The following RBPJ variants were observed in gnomAD, a reference collection of about 807,000 sequenced individuals.
RBPJ encodes recombination signal binding protein for immunoglobulin kappa J region.
In RBPJ, 9 loss-of-function variants were observed where a neutral mutation model predicts 67.8. The ratio of observed to expected loss-of-function variants is 0.13; its 90% CI spans 0.08 to 0.23. The LOEUF (loss-of-function observed/expected upper bound fraction) is 0.23, where lower values mean the gene tolerates loss of function less well. Ranked by LOEUF, RBPJ falls within the 10% of genes least tolerant of loss-of-function variation. The pLI, the probability that RBPJ is intolerant of heterozygous loss-of-function variation, is 1.00. For synonymous variants in RBPJ, 198 were observed against 203.3 expected, an observed-to-expected ratio of 0.97 and a Z score of 0.22; for missense variants, 305 against 595.6, an observed-to-expected ratio of 0.51 and a Z score of 5.08.
Position 26,217,625 on chromosome 4 carries a change from A to C in RBPJ, c.-167+54011A>C, listed in dbSNP as rs1190424999. 3.3e-5 allele frequency among the ~76,000 whole-genome samples: 5 copies of C among 152,348 alleles called. No homozygotes were observed. The East Asian group carries it at 9.6e-4, about 29-fold the overall frequency. On this transcript the variant is annotated intron_variant, in intron 1 of 4. Transcript: ENST00000512351. ...TGAAGCGGCCTCCTGATTTGAAGGT[A>C]GAACATTGCCTCTTGGCAGCGCTGT...
At chr4:26,406,638 G>A (rs890338654) in intron 3 of RBPJ, among the ~76,000 whole-genome samples, 2 of 152,214 alleles carry the variant, frequency 1.3e-5, no homozygotes, top group Non-Finnish European at 2.9e-5. Flanking sequence ...GCTGTGTCCT[G>A]CATCCATTGG....
intron 2 of RBPJ, among the ~76,000 whole-genome samples, chr4:26,388,834 G>T (rs1731195239): frequency 6.6e-6 from 1 of 152,142 alleles, no homozygotes; most frequent in African/African-American, 2.4e-5. Context: ...TCATATATAT[G>T]TAGTTAGTCA....
chr4:26,296,176 T>A (rs1026133729), intron 1 of RBPJ, among the ~76,000 whole-genome samples: 8 of 152,358 alleles, frequency 5.3e-5, no homozygotes, highest in African/African-American at 1.9e-4. Flanking sequence ...AGCTTCCTGA[T>A]GTAATTTCTT....
intron 1 of RBPJ, among the ~76,000 whole-genome samples, chr4:26,173,907 G>A (rs1716700326): frequency 6.6e-6 from 1 of 152,192 alleles, no homozygotes; most frequent in Non-Finnish European, 1.5e-5. Flanking sequence ...AACGTGATAA[G>A]CGCAATAGGA....
intron 1 of RBPJ, among the ~76,000 whole-genome samples, chr4:26,358,790 A>G (rs1469564056): frequency 2.0e-5 from 3 of 151,950 alleles, no homozygotes; most frequent in Admixed American, 6.6e-5. Context: ...CTCTTAAAAA[A>G]AAAAAAAAGT....
chr4:26,355,449 A>G (rs1178767673), intron 1 of RBPJ, among the ~76,000 whole-genome samples: 1 of 150,724 alleles, frequency 6.6e-6, no homozygotes, highest in Non-Finnish European at 1.5e-5. Flanking sequence ...GGAATTTGAG[A>G]CCATCCTGGG....
upstream of RBPJ, among the ~76,000 whole-genome samples, chr4:26,162,758 A>C (rs1163922590): frequency 6.6e-6 from 1 of 152,222 alleles, no homozygotes; most frequent in Non-Finnish European, 1.5e-5. Flanking sequence ...TTCAGAAACC[A>C]TCTGAAGAGG....
the RBPJ span, chr4:26,112,231 A>T: frequency 1.3e-5 from 2 of 152,590 alleles, no homozygotes; most frequent in Non-Finnish European, 2.9e-5. Context: ...AAAACTTCCA[A>T]TTTGGGTACA....
chr4:26,431,989 G>A lies in RBPJ; in HGVS notation c.*982G>A, dbSNP rs1736281863. On this transcript the variant is annotated 3_prime_UTR_variant, in exon 11 of 11. Transcript: ENST00000355476. ...CTTTTCCCATGACGTAAATACATAGGTGTGTTCCAGGATTTGTTCAGGTTT... is the reference window on the plus strand; with the variant it reads ...CTTTTCCCATGACGTAAATACATAGATGTGTTCCAGGATTTGTTCAGGTTT... 1 of 152,144 alleles carries A rather than the reference G, an allele frequency of 6.6e-6. No individual in the cohort carries two copies. Among genetic ancestry groups the A allele is most frequent in the South Asian group, 2.1e-4 (1 of 4,830 alleles). 9.4% of individuals were successfully genotyped at this position (152,144 alleles called of 1,614,324 possible). A position where few individuals can be genotyped will look rare whatever the true frequency, so the allele number is the denominator to read the frequency against.
intron 1 of RBPJ, among the ~76,000 whole-genome samples, chr4:26,263,319 C>G (rs1009192579): frequency 1.3e-5 from 2 of 149,920 alleles, no homozygotes; most frequent in South Asian, 4.3e-4. Flanking sequence ...AGCCCCCCCG[C>G]CCCACCCCGT....
At chr4:26,422,480 G>A (rs1338260680) in intron 5 of RBPJ, among the ~76,000 whole-genome samples, 1 of 152,148 alleles carries the variant, frequency 6.6e-6, no homozygotes, top group Non-Finnish European at 1.5e-5. Flanking sequence ...TGAAAAGGCA[G>A]GATTAGGTGC....
At chr4:26,237,830 T>C (rs1188558922) in intron 1 of RBPJ, among the ~76,000 whole-genome samples, 1 of 152,174 alleles carries the variant, frequency 6.6e-6, no homozygotes, top group Non-Finnish European at 1.5e-5. Context: ...GCTTGACACT[T>C]TGAGTTCCAA....
rs1238764536 is a variant in RBPJ, at chr4:26,291,615, C to T, written c.-166-70831C>T. Among the ~76,000 whole-genome samples, 6 of 148,988 alleles carry T rather than the reference C, an allele frequency of 4.0e-5. 1 individual carries two copies. The highest frequency in any genetic ancestry group is 6.0e-5 in the Non-Finnish European group (4 of 67,150). ...TTTTTGAGATGGAGTCTCGCTCTGT[C>T]GCCCAGGCCAGAGTGCAGTGGCACA... On this transcript the variant is annotated intron_variant, in intron 1 of 4. Transcript: ENST00000512351.
At chr4:26,183,120 A>G (rs1442847362) in intron 1 of RBPJ, among the ~76,000 whole-genome samples, 3 of 152,254 alleles carry the variant, frequency 2.0e-5, no homozygotes, top group Non-Finnish European at 2.9e-5. Context: ...ATCAAGCATT[A>G]CATACTGTAC....
chr4:26,297,739 T>C (rs1171359038), intron 1 of RBPJ, among the ~76,000 whole-genome samples: 1 of 152,052 alleles, frequency 6.6e-6, no homozygotes, highest in Non-Finnish European at 1.5e-5. Context: ...AATTTTTATC[T>C]ATTTTTAAAA....
chr4:26,360,374 ATATT>A (rs1727909113), intron 1 of RBPJ, among the ~76,000 whole-genome samples: 1 of 152,134 alleles, frequency 6.6e-6, no homozygotes, highest in African/African-American at 2.4e-5. Context: ...TGAACTTTCT[ATATT>A]TAGCTTATCA....
At chr4:26,421,768 A>T (rs569691289) in intron 5 of RBPJ, among the ~76,000 whole-genome samples, 2 of 152,324 alleles carry the variant, frequency 1.3e-5, no homozygotes, top group African/African-American at 4.8e-5. Context: ...AATTTCTGCA[A>T]TAGTGACTAA....
At chr4:26,250,997 C>G (rs1371727639) in intron 1 of RBPJ, among the ~76,000 whole-genome samples, 1 of 152,150 alleles carries the variant, frequency 6.6e-6, no homozygotes, top group African/African-American at 2.4e-5. Context: ...TTGAGGACAC[C>G]TAGGGTAGAC....
intron 1 of RBPJ, among the ~76,000 whole-genome samples, chr4:26,248,888 C>A (rs189944705): frequency 6.6e-6 from 1 of 152,166 alleles, no homozygotes; most frequent in East Asian, 1.9e-4. Context: ...TGGGAGGTAA[C>A]CATTATGTCA....
Sources: allele counts gnomAD v4.1 joint callset (sites outside exome capture counted in the v4.1 genomes callset), GRCh38; gene constraint gnomAD v4.1.1; transcripts MANE v1.5; gene names NCBI Gene and HGNC (gene_info 2026-07-23, HGNC 2026-07-21).